NMT1: variants seen among roughly 807,000 people sequenced by gnomAD.
NMT1 encodes the protein glycylpeptide N-tetradecanoyltransferase 1.
A neutral mutation model predicts 63.4 loss-of-function variants in NMT1; 12 were observed. The observed-to-expected ratio is 0.19, with a 90% CI of 0.12 to 0.31. The LOEUF (loss-of-function observed/expected upper bound fraction) is 0.31, where lower values mean the gene tolerates loss of function less well. NMT1 is among the 10% of genes least tolerant of loss of function. NMT1 has a pLI of 1.00. For synonymous variants in NMT1, 228 were observed against 234.3 expected (o/e 0.97, Z 0.25); for missense variants, 432 against 634.6 (o/e 0.68, Z 3.43).
rs1202398712 is a variant in NMT1 at position 45,107,224 on chromosome 17, A to T, written c.*1585A>T. 6.6e-6 allele frequency: 1 copy of T among 152,172 alleles called. No individual in the cohort carries two copies. Among genetic ancestry groups the T allele is most frequent in the Non-Finnish European group, 1.5e-5 (1 of 68,052 alleles). The allele number at this position is 152,172 out of a possible 1,614,324, so 9.4% of individuals were successfully genotyped here. Reference sequence around the variant, plus strand: ...TGTGGGTTTTGGTGTGGTTTGTCAGAGGCTAATTCTGCAGAGTTTCCAAAA... The same window carrying T: ...TGTGGGTTTTGGTGTGGTTTGTCAGTGGCTAATTCTGCAGAGTTTCCAAAA... On this transcript the variant is annotated 3_prime_UTR_variant, in exon 12 of 12. Transcript: ENST00000258960.
In NMT1 at chr17:45,105,714, C is replaced by A; in HGVS notation, c.*75C>A. 2 of 1,425,736 alleles carry A rather than the reference C, an allele frequency of 1.4e-6. No homozygotes were observed. Among genetic ancestry groups the A allele is most frequent in the Non-Finnish European group, 9.8e-7 (1 of 1,015,898 alleles). The allele number at this position is 1,425,736 out of a possible 1,614,324, so 88.3% of individuals were successfully genotyped here. A position where few individuals can be genotyped will look rare whatever the true frequency, so the allele number is the denominator to read the frequency against. Reference sequence around the variant, plus strand: ...AAATGGAACCCCACCACTGTTGGTCCAATTTTCACACACGTGAGAATCCCT... The same window carrying A: ...AAATGGAACCCCACCACTGTTGGTCAAATTTTCACACACGTGAGAATCCCT... On this transcript the variant is annotated 3_prime_UTR_variant, in exon 12 of 12. Coordinates refer to ENST00000258960, the MANE Select transcript of NMT1 (RefSeq NM_021079.5). The surrounding 1 kb of genome is among the most constrained non-coding windows in gnomAD (Gnocchi z 4.2).
chr17:45,098,370 T>C lies in NMT1; in HGVS notation c.714-12T>C, dbSNP rs766727582. ...TTAAAAACCTTGTCACCTGGATTTT[T>C]CCCCCTCTTAGAGAGAAGAAGATGG... On this transcript the variant is annotated splice_polypyrimidine_tract_variant and intron_variant, in intron 6 of 11. Transcript: ENST00000258960. 5.0e-6 allele frequency: 8 copies of C among 1,610,056 alleles called. No individual in the cohort carries two copies. The South Asian group carries it at 8.8e-5, about 18-fold the overall frequency.
intron 5 of NMT1, 24 bp from the exon 6 acceptor site, chr17:45,097,104 A>G (rs527821068): frequency 2.5e-6 from 4 of 1,602,908 alleles, no homozygotes; most frequent in South Asian, 1.1e-5. Flanking sequence ...AAGCAGCACA[A>G]CCACCCCAGC....
Position 45,104,145 on chromosome 17 carries a change from A to G in NMT1, c.1332+269A>G. 7.4e-7 allele frequency: 1 copy of G among 1,354,414 alleles called. No homozygotes were observed. Among genetic ancestry groups the G allele is most frequent in the East Asian group, 3.2e-5 (1 of 31,386 alleles). The allele number at this position is 1,354,414 out of a possible 1,614,324, so 83.9% of individuals were successfully genotyped here. On this transcript the variant is annotated intron_variant, in intron 10 of 11. Transcript: ENST00000258960. The surrounding 1 kb of genome is among the most constrained non-coding windows in gnomAD (Gnocchi z 4.2). ...GGAGGCGCCACCAAGGAGCCTGAATAGCCAGGCCTTCCCTGGGAGGACAGG... is the reference window on the plus strand; with the variant it reads ...GGAGGCGCCACCAAGGAGCCTGAATGGCCAGGCCTTCCCTGGGAGGACAGG...
chr17:45,104,883 C>T lies in NMT1; in HGVS notation c.1357C>T (p.Leu453=). The part of the protein sequence containing the change: ...KMKGFDVFNA[L]DLMENKTFLE... ...GAAAGGGTTTGATGTGTTCAATGCACTGGATCTCATGGAGAACAAAACCTT... is the reference window on the plus strand; with the variant it reads ...GAAAGGGTTTGATGTGTTCAATGCATTGGATCTCATGGAGAACAAAACCTT... Residue 453 remains leucine, a synonymous_variant, in exon 11 of 12, where the codon CTG becomes TTG. Coordinates refer to ENST00000258960, the MANE Select transcript of NMT1 (RefSeq NM_021079.5). This position sits in a 1 kb window ranked among gnomAD's most constrained non-coding sequence, Gnocchi z 4.2. The T allele has an allele frequency of 6.2e-7, 1 of 1,614,240 alleles. No individual in the cohort carries two copies. Among genetic ancestry groups the T allele is most frequent in the Non-Finnish European group, 8.5e-7 (1 of 1,180,052 alleles).
intron 1 of NMT1, chr17:45,071,404 CCTGT>C (rs1436680880): frequency 2.0e-5 from 3 of 152,130 alleles, no homozygotes; most frequent in Non-Finnish European, 2.9e-5. Context: ...ATCTCTAACT[CCTGT>C]CTTTTTGTTT....
chr17:45,073,844 AAAC>A (rs752747712), intron 1 of NMT1, among the ~76,000 whole-genome samples: 6 of 152,314 alleles, frequency 3.9e-5, no homozygotes, highest in Non-Finnish European at 7.4e-5. Flanking sequence ...CCTCATCTGT[AAAC>A]AACAAGTTAA....
Position 45,103,580 on chromosome 17 carries a change from G to A in NMT1, c.1165-129G>A. On this transcript the variant is annotated intron_variant, in intron 9 of 11. Transcript: ENST00000258960. This position sits in a 1 kb window ranked among gnomAD's most constrained non-coding sequence, Gnocchi z 4.8. The stretch of plus-strand genomic sequence containing the variant: ...GTCCCTCCTCCTCCCCACATGTCCT[G>A]TTGCAGTTTCCAGCCATTTATCTAG... 1.1e-6 allele frequency: 1 copy of A among 928,812 alleles called. No homozygotes were observed. Among genetic ancestry groups the A allele is most frequent in the Non-Finnish European group, 1.6e-6 (1 of 608,176 alleles). 57.5% of individuals were successfully genotyped at this position (928,812 alleles called of 1,614,324 possible).
intron 3 of NMT1, among the ~76,000 whole-genome samples, chr17:45,092,030 G>A (rs1384756848): frequency 1.3e-5 from 2 of 152,082 alleles, no homozygotes; most frequent in Admixed American, 1.3e-4. Flanking sequence ...CGCCAGTCAT[G>A]AGTTTCCTAA....
Position 45,103,574 on chromosome 17 carries a change from T to C in NMT1, c.1165-135T>C. On this transcript the variant is annotated intron_variant, in intron 9 of 11. Transcript: ENST00000258960. This position sits in a 1 kb window ranked among gnomAD's most constrained non-coding sequence, Gnocchi z 4.8. ...GCCAATGTCCCTCCTCCTCCCCACA[T>C]GTCCTGTTGCAGTTTCCAGCCATTT... 1.1e-6 allele frequency: 1 copy of C among 881,700 alleles called. No homozygotes were observed. Among genetic ancestry groups the C allele is most frequent in the Non-Finnish European group, 1.8e-6 (1 of 567,040 alleles). The allele number at this position is 881,700 out of a possible 1,614,324, so 54.6% of individuals were successfully genotyped here.
At chr17:45,101,617 C>CAAA (rs748973404) in intron 8 of NMT1, among the ~76,000 whole-genome samples, 31 of 53,236 alleles carry the variant, frequency 5.8e-4, no homozygotes, top group African/African-American at 1.2e-3. Context: ...GACTCCGTCG[C>CAAA]AAAAAAAAAA....
intron 7 of NMT1, 31 bp from the exon 8 acceptor site, chr17:45,099,374 C>A: frequency 1.3e-6 from 2 of 1,486,498 alleles, no homozygotes; most frequent in Non-Finnish European, 1.9e-6. Flanking sequence ...TTGGCCAGAA[C>A]CCTGAGGACA....
intron 1 of NMT1, among the ~76,000 whole-genome samples, chr17:45,067,373 C>T (rs1329413878): frequency 1.3e-5 from 2 of 152,112 alleles, no homozygotes. Flanking sequence ...CTGGTAAGCA[C>T]GGGTCAAGAG....
intron 1 of NMT1, among the ~76,000 whole-genome samples, chr17:45,078,793 G>A (rs1312338128): frequency 1.3e-5 from 2 of 151,880 alleles, no homozygotes; most frequent in African/African-American, 4.8e-5. Context: ...CTCCCCAGTA[G>A]TTGGGACTAC....
rs2143534218 is a variant in NMT1 at position 45,108,780 on chromosome 17, C to CA, written c.*3142dup. On this transcript the variant is annotated 3_prime_UTR_variant, in exon 12 of 12. Coordinates refer to ENST00000258960, the MANE Select transcript of NMT1 (RefSeq NM_021079.5). Reference sequence around the variant, plus strand: ...TGAAGGCGGGCCTGCAAGCCGACTACACCTACGGAGGCTGTTGAGGACAAT... The same window carrying CA: ...TGAAGGCGGGCCTGCAAGCCGACTACAACCTACGGAGGCTGTTGAGGACAAT... 6.6e-6 allele frequency: 1 copy of CA among 152,424 alleles called. No homozygotes were observed. The highest frequency in any genetic ancestry group is 2.1e-4 in the South Asian group (1 of 4,826). 9.4% of individuals were successfully genotyped at this position (152,424 alleles called of 1,614,324 possible).
In NMT1 at chr17:45,103,026, T is replaced by C. The variant is rs2054178195; in HGVS notation, c.1069T>C (p.Leu357=). 6.2e-7 allele frequency: 1 copy of C among 1,614,092 alleles called. No homozygotes were observed. The highest frequency in any genetic ancestry group is 1.1e-5 in the South Asian group (1 of 91,084). Reference sequence around the variant, plus strand: ...AGTGCACCAGCTCCTCACCAGGTACTTGAAGCAATTTCACCTTACGCCCGT... The same window carrying C: ...AGTGCACCAGCTCCTCACCAGGTACCTGAAGCAATTTCACCTTACGCCCGT... The part of the protein sequence containing the change: ...PVVHQLLTRY[L]KQFHLTPVMS... Residue 357 remains leucine (L), a synonymous_variant, in exon 9 of 12, where the codon TTG becomes CTG. Transcript: ENST00000258960. The surrounding 1 kb of genome is among the most constrained non-coding windows in gnomAD (Gnocchi z 4.8).
chr17:45,100,687 C>G (rs1388575038), intron 8 of NMT1, among the ~76,000 whole-genome samples: 7 of 148,466 alleles, frequency 4.7e-5, no homozygotes, highest in African/African-American at 1.7e-4. Context: ...CGGTGAAACC[C>G]TGTCTCTAAT....
rs529448243 is a variant in NMT1 at position 45,103,177 on chromosome 17, C to G, written c.1164+56C>G. 1.3e-6 allele frequency: 2 copies of G among 1,544,846 alleles called. No individual in the cohort carries two copies. Among genetic ancestry groups the G allele is most frequent in the Non-Finnish European group, 1.8e-6 (2 of 1,130,234 alleles). On this transcript the variant is annotated intron_variant, in intron 9 of 11. Coordinates refer to ENST00000258960, the MANE Select transcript of NMT1 (RefSeq NM_021079.5). This position sits in a 1 kb window ranked among gnomAD's most constrained non-coding sequence, Gnocchi z 4.8. ...AACACGTTCCCAGAGAGGCACCCCC[C>G]TGAGTGGCCGGGTTCCCAGGGCTCG...
intron 1 of NMT1, 69 bp from the exon 2 acceptor site, chr17:45,081,575 C>T: frequency 3.0e-6 from 4 of 1,351,410 alleles, no homozygotes; most frequent in South Asian, 1.3e-5. Context: ...CCACAGAAAG[C>T]TCTTTGTCAG....
Sources: allele counts gnomAD v4.1 joint callset (sites outside exome capture counted in the v4.1 genomes callset), GRCh38; gene constraint gnomAD v4.1.1; non-coding constraint Gnocchi (gnomAD v3.1); transcripts MANE v1.5; gene names NCBI Gene and HGNC (gene_info 2026-07-23, HGNC 2026-07-21).